Variants in SLC9A6 observed in about 807,000 individuals in gnomAD.
SLC9A6 encodes sodium/hydrogen exchanger 6.
A neutral mutation model predicts 45.3 loss-of-function variants in SLC9A6; 6 were observed. The observed-to-expected ratio is 0.13, with a 90% CI of 0.07 to 0.26. The LOEUF is 0.26. Among genes scored for constraint, SLC9A6 ranks in the 10% least tolerant of loss-of-function variants. SLC9A6 has a pLI of 1.00. For synonymous variants in SLC9A6, 191 were observed against 187.7 expected (o/e 1.02, Z -0.14); for missense variants, 278 against 503.7 (o/e 0.55, Z 4.29).
chrX:136,012,999 G>C lies in SLC9A6; in HGVS notation c.936G>C (p.Leu312=). 6 of 1,210,897 alleles carry C rather than the reference G, an allele frequency of 5.0e-6. No individual in the cohort carries two copies. Among genetic ancestry groups the C allele is most frequent in the Non-Finnish European group, 6.7e-6 (6 of 894,651 alleles). Residue 312 remains leucine (L), a synonymous_variant, in exon 9 of 18, where the codon CTG becomes CTC. Coordinates refer to ENST00000630721, the MANE Select transcript of SLC9A6 (RefSeq NM_001379110.1). ...LREFQLLETG[L]FFLMSWSTFL... ...AGTTCCAGTTGTTGGAGACAGGCCT[G>C]TTCTTCTTGATGTCCTGGAGTACCT...
At chrX:136,033,290 G>A (rs2071358888) in intron 15 of SLC9A6, 124 bp from the exon 16 acceptor site, 3 of 431,434 alleles carry the variant, frequency 7.0e-6, no homozygotes, top group East Asian at 9.8e-5. Flanking sequence ...AATTTCTAAT[G>A]TTACCCTTGT....
intron 2 of SLC9A6, among the ~76,000 whole-genome samples, chrX:135,992,216 T>C (rs2089443755): frequency 9.0e-6 from 1 of 111,474 alleles, no homozygotes; most frequent in Non-Finnish European, 1.9e-5. Context: ...TCAATTAAGG[T>C]TCCTCTTAGT....
chrX:135,988,688 T>A (rs1398546490), intron 2 of SLC9A6, among the ~76,000 whole-genome samples: 1 of 109,627 alleles, frequency 9.1e-6, no homozygotes, highest in African/African-American at 3.3e-5. Flanking sequence ...AGCCTCAACC[T>A]CCTGGGCTTA....
chrX:136,030,237 A>G, intron 15 of SLC9A6, 75 bp downstream of exon 15: 1 of 968,752 alleles, frequency 1.0e-6, no homozygotes, highest in South Asian at 1.9e-5. Context: ...AATCTACTAT[A>G]AACTTCAACC....
At chrX:136,026,684 C>T (rs2071232824) in intron 13 of SLC9A6, among the ~76,000 whole-genome samples, 1 of 110,815 alleles carries the variant, frequency 9.0e-6, no homozygotes, top group African/African-American at 3.3e-5. Flanking sequence ...TACAGGCATG[C>T]ACCACCACAC....
intron 14 of SLC9A6, chrX:136,029,839 C>T (rs937735532): frequency 9.1e-6 from 3 of 330,239 alleles, no homozygotes; most frequent in Non-Finnish European, 1.1e-5. Flanking sequence ...TCCCTGATTC[C>T]GCTTCGAGTG....
At chrX:135,998,608 A>T in intron 5 of SLC9A6, 50 bp downstream of exon 5, 2 of 901,269 alleles carry the variant, frequency 2.2e-6, no homozygotes, top group Non-Finnish European at 3.2e-6. Context: ...TTATAATTTT[A>T]AAATAATATA....
intron 7 of SLC9A6, among the ~76,000 whole-genome samples, chrX:136,007,113 C>T (rs782312177): frequency 2.6e-4 from 29 of 111,246 alleles, no homozygotes; most frequent in African/African-American, 8.2e-4. Flanking sequence ...GTGATCCGTC[C>T]GCCTCGGCCT....
intron 2 of SLC9A6, among the ~76,000 whole-genome samples, chrX:135,991,713 C>T (rs898071378): frequency 4.5e-5 from 5 of 111,427 alleles, no homozygotes; most frequent in Non-Finnish European, 9.4e-5. Flanking sequence ...CTGCCTTACT[C>T]GACTTTACTA....
rs1556623476 is a variant in SLC9A6, at chrX:136,045,738, T to C, written c.*1014T>C. ...ATGTAAAATTTTTGAACTTACTGTG[T>C]CTAATCATCATTTGTTAGTCTGTAG... On this transcript the variant is annotated 3_prime_UTR_variant, in exon 18 of 18. Coordinates refer to ENST00000630721, the MANE Select transcript of SLC9A6 (RefSeq NM_001379110.1). 1 of 112,510 alleles carries C rather than the reference T, an allele frequency of 8.9e-6. No homozygotes were observed. Among genetic ancestry groups the C allele is most frequent in the East Asian group, 2.8e-4 (1 of 3,589 alleles). The allele number at this position is 112,510 out of a possible 1,213,427, so 9.3% of individuals were successfully genotyped here.
chrX:136,001,359 C>T (rs187483467), intron 6 of SLC9A6, among the ~76,000 whole-genome samples: 306 of 98,066 alleles, frequency 3.1e-3, no homozygotes, highest in African/African-American at 0.011. Context: ...AAAAAAAAAA[C>T]CAAAAGGCTC....
Position 136,023,905 on chromosome X carries a change from T to C in SLC9A6, c.1307-425T>C, listed in dbSNP as rs782284624. ...TTTCTGTTTGTACTTTTTTTTTTTT[T>C]CCGAGATGGAGTCTTGCTCTGTCAC... On this transcript the variant is annotated intron_variant, in intron 12 of 17. Coordinates refer to ENST00000630721, the MANE Select transcript of SLC9A6 (RefSeq NM_001379110.1). Among the ~76,000 whole-genome samples the C allele has an allele frequency of 1.2e-3, 131 of 111,001 alleles. 1 individual carries two copies. Among genetic ancestry groups the C allele is most frequent in the African/African-American group, 4.2e-3 (129 of 30,578 alleles).
intron 15 of SLC9A6, chrX:136,033,155 C>T (rs1556621356): frequency 1.3e-5 from 3 of 239,502 alleles, no homozygotes; most frequent in African/African-American, 2.9e-5. Context: ...AGCCACCACA[C>T]CCGGCCCCCA....
intron 6 of SLC9A6, among the ~76,000 whole-genome samples, chrX:136,001,360 CA>C (rs2148155399): frequency 9.6e-6 from 1 of 103,809 alleles, no homozygotes; most frequent in African/African-American, 3.5e-5. Context: ...AAAAAAAAAC[CA>C]AAAGGCTCAC....
At chrX:135,997,992 G>A (rs1308369904) in intron 3 of SLC9A6, 116 bp from the exon 4 acceptor site, 50 of 494,050 alleles carry the variant, frequency 1.0e-4, no homozygotes, top group Non-Finnish European at 1.7e-4. Context: ...AGTTAGCACA[G>A]TAATGTTCTT....
intron 1 of SLC9A6, among the ~76,000 whole-genome samples, chrX:135,978,908 C>T (rs782120270): frequency 9.0e-6 from 1 of 110,687 alleles, no homozygotes; most frequent in South Asian, 3.8e-4. Flanking sequence ...CTGAAATTCA[C>T]CAGACCACCA....
intron 16 of SLC9A6, among the ~76,000 whole-genome samples, chrX:136,038,002 C>G (rs1413406827): frequency 9.0e-6 from 1 of 110,737 alleles, no homozygotes; most frequent in African/African-American, 3.3e-5. Context: ...TTTTTCTTTT[C>G]CAATCCCTGT....
intron 13 of SLC9A6, 48 bp downstream of exon 13, chrX:136,024,531 T>C (rs781942668): frequency 9.3e-7 from 1 of 1,074,429 alleles, no homozygotes; most frequent in Non-Finnish European, 1.3e-6. Context: ...TTTAATTTGG[T>C]TTATTTTTCT....
chrX:136,033,038 ATTT>A lies in SLC9A6; in HGVS notation c.1582-373_1582-371del, dbSNP rs782591048. On this transcript the variant is annotated intron_variant, in intron 15 of 17. Transcript: ENST00000630721. ...CCCACCACGCCTGGCTAATTTTTGTATTTTTAGTAGAAACGGGGTTTCACCATG... is the reference window on the plus strand; with the variant it reads ...CCCACCACGCCTGGCTAATTTTTGTATTAGTAGAAACGGGGTTTCACCATG... 38 of 143,085 alleles carry A rather than the reference ATTT, an allele frequency of 2.7e-4. No individual in the cohort carries two copies. The South Asian group carries it at 6.7e-3, about 25-fold the overall frequency. The allele number at this position is 143,085 out of a possible 1,213,427, so 11.8% of individuals were successfully genotyped here.
Sources: gnomAD v4.1 joint callset for allele counts (sites outside exome capture counted in the v4.1 genomes callset) on GRCh38, gnomAD v4.1.1 for gene constraint, MANE v1.5 for transcripts, NCBI Gene and HGNC (gene_info 2026-07-23, HGNC 2026-07-21) for gene names.